Variants in TASP1 observed in about 807,000 individuals in gnomAD.
TASP1 encodes the protein taspase 1, also known as threonine aspartase 1.
TASP1 carries 16 observed loss-of-function variants against 56.6 expected under a neutral mutation model. That is an observed-to-expected ratio of 0.28 (90% confidence interval 0.19 to 0.43). TASP1 has a LOEUF of 0.43. TASP1 is among the 20% of genes least tolerant of loss of function. The pLI is 1.00. For missense variants in TASP1, 393 were observed against 511.6 expected (o/e 0.77, Z 2.24); for synonymous variants, 179 against 184.2 (o/e 0.97, Z 0.23).
chr20:13,298,388 T>A, the TASP1 span, among the ~76,000 whole-genome samples: 1 of 152,202 alleles, frequency 6.6e-6, no homozygotes, highest in Non-Finnish European at 1.5e-5. Context: ...AGTGCTGGGA[T>A]TACAGGCATA....
chr20:13,220,325 T>C, the TASP1 span, among the ~76,000 whole-genome samples: 1 of 152,174 alleles, frequency 6.6e-6, no homozygotes, highest in African/African-American at 2.4e-5. Flanking sequence ...CATCTGACGC[T>C]CGGACTCCGC....
At chr20:13,316,945 C>CAAGAAA in the TASP1 span, among the ~76,000 whole-genome samples, 20 of 149,942 alleles carry the variant, frequency 1.3e-4, no homozygotes, top group African/African-American at 4.9e-4. Flanking sequence ...TGCAATAAGA[C>CAAGAAA]AAGAAAAAGA....
At chr20:13,270,409 A>C in the TASP1 span, 1 of 1,382,726 alleles carries the variant, frequency 7.2e-7, no homozygotes. Context: ...CAGCCACTGG[A>C]ATTGTCCTTG....
chr20:13,487,666 G>C (rs1477425750), intron 10 of TASP1, among the ~76,000 whole-genome samples: 2 of 151,948 alleles, frequency 1.3e-5, no homozygotes, highest in Non-Finnish European at 2.9e-5. Flanking sequence ...CACTGAAGAT[G>C]AACTACCAAT....
chr20:13,271,679 T>G, the TASP1 span, among the ~76,000 whole-genome samples: 1 of 152,214 alleles, frequency 6.6e-6, no homozygotes, highest in African/African-American at 2.4e-5. Context: ...TGTTTGTACC[T>G]TTCTCTGTTT....
chr20:13,223,484 T>C, the TASP1 span, among the ~76,000 whole-genome samples: 3 of 152,198 alleles, frequency 2.0e-5, no homozygotes, highest in Non-Finnish European at 2.9e-5. Flanking sequence ...GTTAAAAAAC[T>C]TGTCAAAGTT....
chr20:13,172,924 T>C, the TASP1 span, among the ~76,000 whole-genome samples: 4 of 152,302 alleles, frequency 2.6e-5, no homozygotes, highest in East Asian at 5.8e-4. Context: ...ATGGGTAATT[T>C]TTTGCTCAAG....
rs896782983 is a variant in TASP1, at chr20:13,455,867, C to G, written c.986-20713G>C. 2.0e-5 allele frequency among the ~76,000 whole-genome samples: 3 copies of G among 152,122 alleles called. No homozygotes were observed. In the South Asian group the frequency reaches 6.2e-4, roughly 31 times the overall value. Reference sequence around the variant, plus strand: ...GGGGCATTGCCCCATAAACTTTTCACAAGGCAATAGATATCTCAATTGCTT... The same window carrying G: ...GGGGCATTGCCCCATAAACTTTTCAGAAGGCAATAGATATCTCAATTGCTT... On this transcript the variant is annotated intron_variant, in intron 11 of 13. Transcript: ENST00000337743.
chr20:13,257,711 T>TAAA, the TASP1 span, among the ~76,000 whole-genome samples: 2 of 141,622 alleles, frequency 1.4e-5, no homozygotes, highest in Non-Finnish European at 3.1e-5. Context: ...GTATTTTCCT[T>TAAA]AAAAAAAAAA....
At chr20:13,338,242 G>A in the TASP1 span, among the ~76,000 whole-genome samples, 5 of 152,254 alleles carry the variant, frequency 3.3e-5, no homozygotes, top group East Asian at 9.6e-4. Flanking sequence ...ACCACATAGG[G>A]TAATTTTCTG....
At chr20:13,254,982 C>T in the TASP1 span, among the ~76,000 whole-genome samples, 1 of 152,206 alleles carries the variant, frequency 6.6e-6, no homozygotes, top group African/African-American at 2.4e-5. Context: ...AGTGCTGAGG[C>T]ACAGAAGTGA....
intron 4 of TASP1, among the ~76,000 whole-genome samples, chr20:13,595,711 C>T (rs1343698628): frequency 1.3e-5 from 2 of 152,090 alleles, no homozygotes; most frequent in African/African-American, 4.8e-5. Flanking sequence ...TACAAGAGCA[C>T]CCAGATTCAT....
the TASP1 span, among the ~76,000 whole-genome samples, chr20:13,304,130 G>A: frequency 3.3e-5 from 5 of 152,180 alleles, no homozygotes; most frequent in African/African-American, 1.2e-4. Flanking sequence ...AAAGTTTTTT[G>A]TAGGTTCAGC....
At chr20:13,192,680 C>A in the TASP1 span, among the ~76,000 whole-genome samples, 3 of 151,906 alleles carry the variant, frequency 2.0e-5, no homozygotes, top group Non-Finnish European at 4.4e-5. Flanking sequence ...ACTACAGGCA[C>A]GCACCACCAC....
intron 11 of TASP1, among the ~76,000 whole-genome samples, chr20:13,451,311 G>C (rs145700424): frequency 1.8e-4 from 27 of 152,202 alleles, no homozygotes; most frequent in East Asian, 9.7e-4. Flanking sequence ...TCTAACAAGA[G>C]AGTCAGCATG....
the TASP1 span, among the ~76,000 whole-genome samples, chr20:13,287,403 C>T: frequency 6.6e-6 from 1 of 152,050 alleles, no homozygotes; most frequent in Non-Finnish European, 1.5e-5. Context: ...TCCAGCTGGC[C>T]CCACTCTTGA....
chr20:13,349,152 G>A, the TASP1 span, among the ~76,000 whole-genome samples: 1 of 152,164 alleles, frequency 6.6e-6, no homozygotes, highest in Non-Finnish European at 1.5e-5. Context: ...GGACAGAAAT[G>A]TCAGCTCCCT....
chr20:13,540,987 C>T (rs2045600168), intron 8 of TASP1, among the ~76,000 whole-genome samples: 1 of 151,878 alleles, frequency 6.6e-6, no homozygotes, highest in African/African-American at 2.4e-5. Flanking sequence ...TGGCATAAGG[C>T]ATATTTAATA....
intron 12 of TASP1, among the ~76,000 whole-genome samples, chr20:13,420,681 A>G (rs959539622): frequency 1.3e-5 from 2 of 152,232 alleles, no homozygotes; most frequent in African/African-American, 4.8e-5. Context: ...CAGGACAAGG[A>G]GCAGCTAACA....
Sources: allele counts gnomAD v4.1 joint callset (sites outside exome capture counted in the v4.1 genomes callset), GRCh38; gene constraint gnomAD v4.1.1; transcripts MANE v1.5; gene names NCBI Gene and HGNC (gene_info 2026-07-23, HGNC 2026-07-21).